Variants in CDYL2 observed in about 807,000 individuals in gnomAD.
CDYL2 encodes the protein chromodomain Y-like protein 2.
A neutral mutation model predicts 49.4 loss-of-function variants in CDYL2; 23 were observed. That is an observed-to-expected ratio of 0.47 (90% CI 0.34 to 0.66). CDYL2 has a LOEUF of 0.66. Among genes scored for constraint, CDYL2 ranks in the 30% least tolerant of loss-of-function variants. The pLI is 0.01. For synonymous variants in CDYL2, 360 were observed against 268.8 expected (o/e 1.34, Z -3.32); for missense variants, 678 against 656.4 (o/e 1.03, Z -0.36).
intron 2 of CDYL2, among the ~76,000 whole-genome samples, chr16:80,638,136 G>A (rs1361537901): frequency 6.6e-6 from 1 of 151,912 alleles, no homozygotes; most frequent in Non-Finnish European, 1.5e-5. Flanking sequence ...GTACAGTGCT[G>A]CTATCACAGC....
chr16:80,632,272 G>T (rs187314017), intron 3 of CDYL2, among the ~76,000 whole-genome samples: 1 of 152,244 alleles, frequency 6.6e-6, no homozygotes, highest in African/African-American at 2.4e-5. Context: ...CTAAAACATG[G>T]ATGAAACATG....
At chr16:80,705,100 T>G (rs1221472036) in intron 1 of CDYL2, among the ~76,000 whole-genome samples, 1 of 152,190 alleles carries the variant, frequency 6.6e-6, no homozygotes, top group Non-Finnish European at 1.5e-5. Flanking sequence ...AATCCTTTAT[T>G]GCTCAGCCAT....
At chr16:80,715,473 T>C (rs1407706393) in intron 1 of CDYL2, among the ~76,000 whole-genome samples, 1 of 152,134 alleles carries the variant, frequency 6.6e-6, no homozygotes, top group Admixed American at 6.5e-5. Flanking sequence ...CTGAATGTCT[T>C]TGCAAGACAT....
intron 2 of CDYL2, among the ~76,000 whole-genome samples, chr16:80,679,356 A>G (rs1423871880): frequency 6.6e-6 from 1 of 152,172 alleles, no homozygotes; most frequent in Admixed American, 6.5e-5. Flanking sequence ...ACCCTCCCCC[A>G]GTCACAAAAT....
At chr16:80,709,771 T>G (rs1403602156) in intron 1 of CDYL2, among the ~76,000 whole-genome samples, 1 of 152,218 alleles carries the variant, frequency 6.6e-6, no homozygotes, top group East Asian at 1.9e-4. Flanking sequence ...CCACATTTAT[T>G]GTAGGAATTA....
intron 1 of CDYL2, among the ~76,000 whole-genome samples, chr16:80,732,276 T>C (rs1905354343): frequency 6.6e-6 from 1 of 151,704 alleles, no homozygotes; most frequent in South Asian, 2.1e-4. Flanking sequence ...TATCATAGTT[T>C]AATGGGCTGC....
At chr16:80,725,161 C>T (rs1905124004) in intron 1 of CDYL2, among the ~76,000 whole-genome samples, 1 of 147,276 alleles carries the variant, frequency 6.8e-6, no homozygotes, top group African/African-American at 2.5e-5. Context: ...TCCCATACAC[C>T]TGTGCAACAC....
chr16:80,657,667 G>A (rs529176808), intron 2 of CDYL2, among the ~76,000 whole-genome samples: 1 of 152,124 alleles, frequency 6.6e-6, no homozygotes, highest in Non-Finnish European at 1.5e-5. Flanking sequence ...AACAGAGAAT[G>A]TGGGGAGTCA....
intron 1 of CDYL2, among the ~76,000 whole-genome samples, chr16:80,766,383 G>T (rs879444418): frequency 2.0e-5 from 3 of 152,094 alleles, no homozygotes; most frequent in African/African-American, 4.8e-5. Context: ...CATTTGAAAT[G>T]ATAATCCATT....
chr16:80,606,185 C>A (rs1286717537), intron 6 of CDYL2, among the ~76,000 whole-genome samples: 1 of 152,246 alleles, frequency 6.6e-6, no homozygotes, highest in East Asian at 1.9e-4. Flanking sequence ...GGATGAGCTG[C>A]CAGACCCAGC....
Position 80,604,304 on chromosome 16 carries a change from C to A in CDYL2, c.*84G>T. ...ACGTATAAAGAGACACCTTGACAAA[C>A]TCCTTGGCCGGGGCAGACACTGTGC... On this transcript the variant is annotated 3_prime_UTR_variant, in exon 7 of 7. Transcript: ENST00000570137. The A allele has an allele frequency of 6.7e-7, 1 of 1,488,150 alleles. No individual in the cohort carries two copies. Among genetic ancestry groups the A allele is most frequent in the South Asian group, 1.2e-5 (1 of 86,560 alleles). The allele number at this position is 1,488,150 out of a possible 1,614,324, so 92.2% of individuals were successfully genotyped here.
chr16:80,672,318 TACACACACACACACAC>T (rs68135845), intron 2 of CDYL2, among the ~76,000 whole-genome samples: 6 of 126,952 alleles, frequency 4.7e-5, no homozygotes, highest in South Asian at 2.9e-4. Context: ...TACAAAATGT[TACACACACACACACAC>T]ACACACACAC....
At chr16:80,799,650 C>G (rs370854617) in intron 1 of CDYL2, among the ~76,000 whole-genome samples, 1 of 152,138 alleles carries the variant, frequency 6.6e-6, no homozygotes, top group Non-Finnish European at 1.5e-5. Flanking sequence ...TGCAAGGAGC[C>G]GTATCAACTC....
intron 2 of CDYL2, among the ~76,000 whole-genome samples, chr16:80,645,354 C>T (rs1320761805): frequency 1.3e-5 from 2 of 152,072 alleles, no homozygotes; most frequent in East Asian, 1.9e-4. Context: ...CAAAAGAAGA[C>T]ATTTATGCAG....
At chr16:80,688,754 C>G (rs920339187) in intron 1 of CDYL2, among the ~76,000 whole-genome samples, 1 of 152,152 alleles carries the variant, frequency 6.6e-6, no homozygotes, top group Admixed American at 6.5e-5. Context: ...TCAAACAGAA[C>G]CTGAATTGTA....
intron 1 of CDYL2, among the ~76,000 whole-genome samples, chr16:80,780,701 G>A (rs982411815): frequency 1.3e-4 from 20 of 151,988 alleles, no homozygotes; most frequent in African/African-American, 4.8e-4. Flanking sequence ...ACCGCGCCCG[G>A]CCCAGATGTA....
chr16:80,732,401 G>C (rs150428403), intron 1 of CDYL2, among the ~76,000 whole-genome samples: 3 of 152,154 alleles, frequency 2.0e-5, no homozygotes, highest in African/African-American at 7.2e-5. Context: ...GTGTTGGAAA[G>C]AGCCTTCTGA....
chr16:80,678,192 T>C (rs988239727), intron 2 of CDYL2, among the ~76,000 whole-genome samples: 2 of 152,218 alleles, frequency 1.3e-5, no homozygotes, highest in Admixed American at 6.5e-5. Context: ...ATTCAGGACA[T>C]AGGCACGGGC....
In CDYL2 at chr16:80,679,822, C is replaced by A. The variant is rs138692301; in HGVS notation, c.616+4716G>T. The A allele has an allele frequency of 2.2e-5, 10 of 455,424 alleles. No homozygotes were observed. In the East Asian group the frequency reaches 6.3e-4, roughly 29 times the overall value. 28.2% of individuals were successfully genotyped at this position (455,424 alleles called of 1,614,324 possible). A position where few individuals can be genotyped will look rare whatever the true frequency, so the allele number is the denominator to read the frequency against. Reference sequence around the variant, plus strand: ...AGCAGTAGTTCTGAAACTGGGCTCACTGGACCAATAGCAGCATCTAGGAAC... The same window carrying A: ...AGCAGTAGTTCTGAAACTGGGCTCAATGGACCAATAGCAGCATCTAGGAAC... On this transcript the variant is annotated intron_variant, in intron 2 of 6. Coordinates refer to ENST00000570137, the MANE Select transcript of CDYL2 (RefSeq NM_152342.4).
Sources: allele counts gnomAD v4.1 joint callset (sites outside exome capture counted in the v4.1 genomes callset), GRCh38; gene constraint gnomAD v4.1.1; transcripts MANE v1.5; gene names NCBI Gene and HGNC (gene_info 2026-07-23, HGNC 2026-07-21).